Variants in TTC7B observed in about 807,000 individuals in gnomAD.
TTC7B encodes tetratricopeptide repeat domain 7B.
A neutral mutation model predicts 106.8 loss-of-function variants in TTC7B; 28 were observed. The ratio of observed to expected loss-of-function variants is 0.26; its 90% CI spans 0.19 to 0.36. The LOEUF is 0.36. TTC7B is among the 10% of genes least tolerant of loss of function. The pLI, the probability that TTC7B is intolerant of heterozygous loss-of-function variation, is 1.00. For missense variants in TTC7B, 862 were observed against 1,076.4 expected (o/e 0.80, Z 2.79); for synonymous variants, 405 against 430.6 (o/e 0.94, Z 0.74).
intron 1 of TTC7B, among the ~76,000 whole-genome samples, chr14:90,803,355 C>T (rs543424355): frequency 6.6e-6 from 1 of 152,308 alleles, no homozygotes; most frequent in East Asian, 1.9e-4. Flanking sequence ...TTTCTGGAAT[C>T]AACCAATCAA....
chr14:90,744,435 C>T (rs1889883053), intron 4 of TTC7B, among the ~76,000 whole-genome samples: 1 of 152,028 alleles, frequency 6.6e-6, no homozygotes. Context: ...CTCAACCTCC[C>T]AAGTAGCTGA....
chr14:90,761,592 C>T (rs1890504454), intron 3 of TTC7B, among the ~76,000 whole-genome samples: 1 of 152,240 alleles, frequency 6.6e-6, no homozygotes, highest in South Asian at 2.1e-4. Context: ...AGCCTCATGT[C>T]AGTTAAACTC....
At chr14:90,671,638 A>G (rs1566829026) in intron 9 of TTC7B, among the ~76,000 whole-genome samples, 1 of 152,258 alleles carries the variant, frequency 6.6e-6, no homozygotes, top group African/African-American at 2.4e-5. Flanking sequence ...CAAACCTTTC[A>G]GCAGGGCTCA....
chr14:90,656,119 C>T (rs1885937171), intron 11 of TTC7B, among the ~76,000 whole-genome samples: 1 of 152,176 alleles, frequency 6.6e-6, no homozygotes, highest in Admixed American at 6.5e-5. Context: ...AGGTGAGAGC[C>T]TGTGCTTTCA....
chr14:90,694,182 G>A (rs1887582628), intron 6 of TTC7B, among the ~76,000 whole-genome samples: 1 of 152,156 alleles, frequency 6.6e-6, no homozygotes, highest in Non-Finnish European at 1.5e-5. Flanking sequence ...AGGAGGCAAT[G>A]AGCCAAGATT....
intron 15 of TTC7B, among the ~76,000 whole-genome samples, chr14:90,639,529 C>T (rs967699562): frequency 2.0e-4 from 31 of 152,292 alleles, no homozygotes; most frequent in African/African-American, 6.3e-4. Context: ...AATATGAAGT[C>T]GGGCAGCACC....
At chr14:90,587,868 G>A (rs961826948) in intron 18 of TTC7B, among the ~76,000 whole-genome samples, 2 of 152,184 alleles carry the variant, frequency 1.3e-5, no homozygotes, top group African/African-American at 4.8e-5. Flanking sequence ...CTTTAGCCAC[G>A]TAACCTTCGG....
chr14:90,781,038 G>C lies in TTC7B; in HGVS notation c.277-132C>G, dbSNP rs570785239. On this transcript the variant is annotated intron_variant, in intron 2 of 19. Transcript: ENST00000328459. ...AAGAGCTTGGACGTGAATGTTCTGAGCAGTGTTATCCACAATAGCCAAACA... is the reference window on the plus strand; with the variant it reads ...AAGAGCTTGGACGTGAATGTTCTGACCAGTGTTATCCACAATAGCCAAACA... The C allele has an allele frequency of 1.2e-3, 900 of 782,122 alleles. 1 individual carries two copies. The highest frequency in any genetic ancestry group is 1.6e-3 in the Non-Finnish European group (773 of 483,722). 48.4% of individuals were successfully genotyped at this position (782,122 alleles called of 1,614,324 possible).
intron 17 of TTC7B, among the ~76,000 whole-genome samples, chr14:90,609,064 C>T (rs1030578503): frequency 3.9e-5 from 6 of 152,204 alleles, no homozygotes; most frequent in Non-Finnish European, 5.9e-5. Context: ...CTAGTCCTGA[C>T]AGCCTGACCT....
Position 90,617,996 on chromosome 14 carries a change from C to T in TTC7B, c.1801G>A (p.Glu601Lys), listed in dbSNP as rs753412719. ...ATGTGCTTACAAGTCAGCAGTGCCT[C>T]GTCCGGGCCTCGGCAGAGTGACTGC... ...KLQSLCRGPD[E>K]ALLTCKHMLQ... Residue 601 changes from glutamate to lysine, a missense_variant, in exon 16 of 20, where the codon GAG (glutamate) becomes AAG (lysine). By Grantham distance (56) the Glu-to-Lys change is moderately conservative. Coordinates refer to ENST00000328459, the MANE Select transcript of TTC7B (RefSeq NM_001010854.2). The T allele has an allele frequency of 3.7e-6, 6 of 1,613,932 alleles. No individual in the cohort carries two copies. The highest frequency in any genetic ancestry group is 1.7e-4 in the Middle Eastern group (1 of 6,046).
chr14:90,690,126 G>A (rs551317940), intron 6 of TTC7B, among the ~76,000 whole-genome samples: 2 of 152,274 alleles, frequency 1.3e-5, no homozygotes, highest in South Asian at 2.1e-4. Flanking sequence ...CTTAGATAAC[G>A]CTATCCCTGA....
chr14:90,758,551 C>T lies in TTC7B; in HGVS notation c.446-13629G>A, dbSNP rs563128476. On this transcript the variant is annotated intron_variant, in intron 3 of 19. Transcript: ENST00000328459. ...TCCGCGCATGCGCAACTGTGGCGCGCGACTGCGCTAGAACGCGGCTCCCGC... is the reference window on the plus strand; with the variant it reads ...TCCGCGCATGCGCAACTGTGGCGCGTGACTGCGCTAGAACGCGGCTCCCGC... 4.6e-5 allele frequency among the ~76,000 whole-genome samples: 7 copies of T among 152,286 alleles called. No individual in the cohort carries two copies. The South Asian group carries it at 1.2e-3, about 27-fold the overall frequency.
intron 9 of TTC7B, among the ~76,000 whole-genome samples, chr14:90,664,871 T>C (rs1169347752): frequency 3.3e-5 from 5 of 152,120 alleles, no homozygotes; most frequent in African/African-American, 1.2e-4. Context: ...AGGCTATCAA[T>C]GGGTTGGCTT....
intron 1 of TTC7B, among the ~76,000 whole-genome samples, chr14:90,809,515 C>G (rs942104600): frequency 1.3e-5 from 2 of 152,224 alleles, no homozygotes; most frequent in African/African-American, 4.8e-5. Context: ...GATTGACAAC[C>G]AGGGAACCTC....
At chr14:90,789,389 T>C (rs1225862581) in intron 1 of TTC7B, among the ~76,000 whole-genome samples, 1 of 152,016 alleles carries the variant, frequency 6.6e-6, no homozygotes, top group Non-Finnish European at 1.5e-5. Context: ...TGAGCCACTA[T>C]ACCCGGCCTT....
rs1595248300 is a variant in TTC7B, at chr14:90,652,759, T to C, written c.1517+82A>G. ...GGGTAAAACACTGTTTACATAATCTTTATAAATATCTCTTCTTTTTATACT... is the reference window on the plus strand; with the variant it reads ...GGGTAAAACACTGTTTACATAATCTCTATAAATATCTCTTCTTTTTATACT... On this transcript the variant is annotated intron_variant, in intron 13 of 19. Coordinates refer to ENST00000328459, the MANE Select transcript of TTC7B (RefSeq NM_001010854.2). 2.4e-5 allele frequency: 37 copies of C among 1,510,794 alleles called. No individual in the cohort carries two copies. The East Asian group carries it at 8.3e-4, about 34-fold the overall frequency. The allele number at this position is 1,510,794 out of a possible 1,614,324, so 93.6% of individuals were successfully genotyped here. A position where few individuals can be genotyped will look rare whatever the true frequency, so the allele number is the denominator to read the frequency against.
In TTC7B at chr14:90,577,583, G is replaced by C. The variant is rs771745046; in HGVS notation, c.2310+523C>G. On this transcript the variant is annotated intron_variant, in intron 19 of 19. Coordinates refer to ENST00000328459, the MANE Select transcript of TTC7B (RefSeq NM_001010854.2). The surrounding 1 kb of genome is among the most constrained non-coding windows in gnomAD (Gnocchi z 5.0). ...GACTCATCTGCCTCCCACCTCTCAG[G>C]GCAACATGGCCAGACACCCCCGCTG... Among the ~76,000 whole-genome samples, 8 of 152,128 alleles carry C rather than the reference G, an allele frequency of 5.3e-5. No individual in the cohort carries two copies. Among genetic ancestry groups the C allele is most frequent in the Non-Finnish European group, 1.0e-4 (7 of 68,024 alleles).
intron 19 of TTC7B, among the ~76,000 whole-genome samples, chr14:90,561,275 T>C (rs1336581164): frequency 6.6e-6 from 1 of 152,208 alleles, no homozygotes; most frequent in Non-Finnish European, 1.5e-5. Context: ...CTGGCCAGCA[T>C]TCAACTGGAT....
intron 3 of TTC7B, among the ~76,000 whole-genome samples, chr14:90,758,661 CA>C (rs1890400271): frequency 6.6e-6 from 1 of 152,200 alleles, no homozygotes; most frequent in Non-Finnish European, 1.5e-5. Flanking sequence ...GGCCCTGAGT[CA>C]GCTTTTAGAG....
Sources: allele counts gnomAD v4.1 joint callset (sites outside exome capture counted in the v4.1 genomes callset), GRCh38; gene constraint gnomAD v4.1.1; non-coding constraint Gnocchi (gnomAD v3.1); transcripts MANE v1.5; gene names NCBI Gene and HGNC (gene_info 2026-07-23, HGNC 2026-07-21).